The following PTCH2 variants were observed in gnomAD, a reference collection of about 807,000 sequenced individuals.
PTCH2 encodes patched 2.
A neutral mutation model predicts 117.9 loss-of-function variants in PTCH2; 96 were observed. That is an observed-to-expected ratio of 0.81 (90% CI 0.69 to 0.96). PTCH2 has a LOEUF of 0.96. PTCH2 is among the 50% of genes least tolerant of loss of function. The pLI is 0.00. For missense variants in PTCH2, 1,379 were observed against 1,562.5 expected, an observed-to-expected ratio of 0.88 and a Z score of 1.98; for synonymous variants, 615 against 660.9, an observed-to-expected ratio of 0.93 and a Z score of 1.06.
chr1:44,830,587 C>CA (rs768951349), intron 6 of PTCH2, among the ~76,000 whole-genome samples: 4,536 of 65,092 alleles, frequency 0.07, 240 homozygotes, highest in African/African-American at 0.12. Context: ...GAGTGAGACT[C>CA]AAAAAAAAAA....
rs564895522 is a variant in PTCH2, at chr1:44,832,211, A to G, written c.396T>C (p.Leu132=). Residue 132 remains leucine (L), a synonymous_variant, in exon 3 of 22, where the codon CTT becomes CTC. Transcript: ENST00000372192. ...TGAGGGCTGCCTGGAGGTGGAGGCC[A>G]AGTGCTTCGGGTGTGAGGATGTTCT... The part of the protein sequence containing the change: ...EGENILTPEA[L]GLHLQAALTA... 6.2e-7 allele frequency: 1 copy of G among 1,614,124 alleles called. No individual in the cohort carries two copies. The highest frequency in any genetic ancestry group is 1.3e-5 in the African/African-American group (1 of 75,020).
chr1:44,840,958 G>C (rs1483450460), intron 2 of PTCH2, among the ~76,000 whole-genome samples: 1 of 151,784 alleles, frequency 6.6e-6, no homozygotes, highest in Non-Finnish European at 1.5e-5. Flanking sequence ...CAGCTACTTG[G>C]GAGGCTGAGG....
At position 44,831,085 on chromosome 1, in the gene PTCH2, ACC is replaced by A. The variant is rs1406361396; in HGVS notation, c.618-44_618-43del. 1 of 1,579,394 alleles carries A rather than the reference ACC, an allele frequency of 6.3e-7. No individual in the cohort carries two copies. The highest frequency in any genetic ancestry group is 2.3e-5 in the East Asian group (1 of 43,964). ...TAGTTGGTGAGGGTCAGGGACGAAAACCCAGGCTCCAAACTGCTGCTGGGGCG... is the reference window on the plus strand; with the variant it reads ...TAGTTGGTGAGGGTCAGGGACGAAAACAGGCTCCAAACTGCTGCTGGGGCG... On this transcript the variant is annotated intron_variant, in intron 5 of 21. Transcript: ENST00000372192. The surrounding 1 kb of genome is among the most constrained non-coding windows in gnomAD (Gnocchi z 4.3).
At chr1:44,825,534 A>G (rs1175816822) in intron 19 of PTCH2, among the ~76,000 whole-genome samples, 1 of 150,338 alleles carries the variant, frequency 6.7e-6, no homozygotes, top group Non-Finnish European at 1.5e-5. Context: ...TTATTTTCCA[A>G]ATTCTTTTTT....
At position 44,822,098 on chromosome 1, in the gene PTCH2, G is replaced by GT; in HGVS notation, c.*316_*317insA. The GT allele has an allele frequency of 7.2e-6, 10 of 1,379,686 alleles. No homozygotes were observed. The highest frequency in any genetic ancestry group is 9.4e-6 in the Non-Finnish European group (10 of 1,065,534). 85.5% of individuals were successfully genotyped at this position (1,379,686 alleles called of 1,614,324 possible). ...CTGCCCAGGAGTCACCAGACGGAAG[G>GT]GTGCTGGAGGGTCCCTCAGGCTTGG... On this transcript the variant is annotated 3_prime_UTR_variant, in exon 22 of 22. Transcript: ENST00000372192.
Position 44,823,488 on chromosome 1 carries a change from C to T in PTCH2, c.3115-103G>A. ...CTTCAGAGCTCAACGATACCTTGGC[C>T]CACCAAAGGCTGGGTGAACTAAGTT... is the stretch of plus-strand genomic sequence containing the variant. On this transcript the variant is annotated intron_variant, in intron 19 of 21. Coordinates refer to ENST00000372192, the MANE Select transcript of PTCH2 (RefSeq NM_003738.5). This position sits in a 1 kb window ranked among gnomAD's most constrained non-coding sequence, Gnocchi z 5.1. 6.6e-7 allele frequency: 1 copy of T among 1,520,054 alleles called. No individual in the cohort carries two copies. 94.2% of individuals were successfully genotyped at this position (1,520,054 alleles called of 1,614,324 possible).
intron 19 of PTCH2, among the ~76,000 whole-genome samples, chr1:44,825,277 A>G (rs1362410761): frequency 6.6e-6 from 1 of 151,814 alleles, no homozygotes; most frequent in African/African-American, 2.4e-5. Context: ...AGCTGGGATT[A>G]CAGGCATGCA....
Position 44,823,166 on chromosome 1 carries a change from T to A in PTCH2, c.3260A>T (p.Tyr1087Phe), listed in dbSNP as rs2148871760. 1 of 1,614,008 alleles carries A rather than the reference T, an allele frequency of 6.2e-7. No homozygotes were observed. The highest frequency in any genetic ancestry group is 8.5e-7 in the Non-Finnish European group (1 of 1,179,964). The change falls in exon 21 of 22, where the codon TAC (tyrosine) becomes TTC (phenylalanine). Residue 1087 changes from tyrosine (Y) to phenylalanine (F), a missense_variant and splice_region_variant. Tyr to Phe is a conservative substitution (Grantham distance 22, BLOSUM62 3). Transcript: ENST00000372192. This position sits in a 1 kb window ranked among gnomAD's most constrained non-coding sequence, Gnocchi z 5.1. ...AGSHFDFIVR[Y>F]FFAALTVLTL... ...GAGCACTGTCAGCGCCGCAAAGAAG[T>A]ACCTAGGGGTAGGGTGTGGGGGGAG...
chr1:44,823,494 A>G lies in PTCH2; in HGVS notation c.3115-109T>C. 16 of 1,487,156 alleles carry G rather than the reference A, an allele frequency of 1.1e-5. No individual in the cohort carries two copies. Among genetic ancestry groups the G allele is most frequent in the Non-Finnish European group, 1.5e-5 (16 of 1,076,440 alleles). 92.1% of individuals were successfully genotyped at this position (1,487,156 alleles called of 1,614,324 possible). ...AGCTCAACGATACCTTGGCCCACCA[A>G]AGGCTGGGTGAACTAAGTTCATGGG... On this transcript the variant is annotated intron_variant, in intron 19 of 21. Transcript: ENST00000372192. The surrounding 1 kb of genome is among the most constrained non-coding windows in gnomAD (Gnocchi z 5.1).
At chr1:44,827,786 C>T (rs1461852670) in intron 14 of PTCH2, 57 bp downstream of exon 14, 1 of 1,612,488 alleles carries the variant, frequency 6.2e-7, no homozygotes, top group Non-Finnish European at 8.5e-7. Flanking sequence ...ACTAAGCCCT[C>T]TCTGCCCTTC....
In PTCH2 at chr1:44,829,498, C is replaced by T; in HGVS notation, c.1119G>A (p.Gln373=). ...AQEALPENAS[Q]QIHAFSSTTL... ...TGGTGGAGGAGAAGGCATGGATCTGCTGGGAAGCGTTCTCAGGCAGGGCCT... is the reference window on the plus strand; with the variant it reads ...TGGTGGAGGAGAAGGCATGGATCTGTTGGGAAGCGTTCTCAGGCAGGGCCT... Residue 373 remains glutamine (Q), a synonymous_variant, in exon 9 of 22, where the codon CAG becomes CAA. Coordinates refer to ENST00000372192, the MANE Select transcript of PTCH2 (RefSeq NM_003738.5). The T allele has an allele frequency of 6.2e-7, 1 of 1,614,216 alleles. No individual in the cohort carries two copies. The highest frequency in any genetic ancestry group is 8.5e-7 in the Non-Finnish European group (1 of 1,180,034).
rs756594378 is a variant in PTCH2, at chr1:44,827,586, G to A, written c.2187C>T (p.Ala729=). 1.2e-6 allele frequency: 2 copies of A among 1,614,084 alleles called. No homozygotes were observed. The highest frequency in any genetic ancestry group is 1.7e-6 in the Non-Finnish European group (2 of 1,180,036). The change falls in exon 15 of 22, where the codon GCC becomes GCT. Residue 729 remains alanine, a synonymous_variant. Transcript: ENST00000372192. ...RGTKEHAFLS[A]QLRYFSLYEV... is the part of the protein sequence containing the mutation. ...CGTACAGGGAGAAGTACCTGAGCTG[G>A]GCGCTCAGGAAGGCATGCTCCTTGG... is the stretch of plus-strand genomic sequence containing the variant.
At position 44,831,904 on chromosome 1, in the gene PTCH2, G is replaced by T; in HGVS notation, c.525+71C>A. ...AAGGGGGCAGATTGCAGGCTGTGGG[G>T]CTTGCTCGGTCTCTGAGTCCTCCCA... On this transcript the variant is annotated intron_variant, in intron 4 of 21. Transcript: ENST00000372192. This position sits in a 1 kb window ranked among gnomAD's most constrained non-coding sequence, Gnocchi z 4.3. The T allele has an allele frequency of 6.4e-7, 1 of 1,571,982 alleles. No individual in the cohort carries two copies. Among genetic ancestry groups the T allele is most frequent in the Non-Finnish European group, 8.8e-7 (1 of 1,141,754 alleles).
intron 2 of PTCH2, 112 bp downstream of exon 2, chr1:44,841,735 G>A (rs1653955319): frequency 8.5e-7 from 1 of 1,176,646 alleles, no homozygotes; most frequent in Admixed American, 1.8e-5. Context: ...GCCAGCAGGT[G>A]ACCCTCCAGC....
downstream of PTCH2, chr1:44,820,640 G>T: frequency 1.4e-6 from 1 of 712,518 alleles, no homozygotes; most frequent in Non-Finnish European, 2.6e-6. Context: ...TGTCCAGACA[G>T]TGGCGCTCCG....
Position 44,843,032 on chromosome 1 carries a change from A to C in PTCH2, c.-100T>G, listed in dbSNP as rs1654023892. 1 of 1,435,398 alleles carries C rather than the reference A, an allele frequency of 7.0e-7. No homozygotes were observed. Among genetic ancestry groups the C allele is most frequent in the Non-Finnish European group, 9.1e-7 (1 of 1,098,978 alleles). 88.9% of individuals were successfully genotyped at this position (1,435,398 alleles called of 1,614,324 possible). On this transcript the variant is annotated 5_prime_UTR_variant, in exon 1 of 22. Transcript: ENST00000372192. The stretch of plus-strand genomic sequence containing the variant: ...CGGTACCGCTGGGCCCCGCGTAGGG[A>C]TTCAGTGGGGCCGCCAAGGCGCGGG...
Position 44,831,759 on chromosome 1 carries a change from G to T in PTCH2, c.564C>A (p.Pro188=). ...EKLFPCVILT[P]LDCFWEGAKL... Reference sequence around the variant, plus strand: ...TGGCTCCCTCCCAGAAGCAGTCGAGGGGGGTGAGGATCACGCACGGAAACA... The same window carrying T: ...TGGCTCCCTCCCAGAAGCAGTCGAGTGGGGTGAGGATCACGCACGGAAACA... Residue 188 remains proline, a synonymous_variant, in exon 5 of 22, where the codon CCC becomes CCA. Coordinates refer to ENST00000372192, the MANE Select transcript of PTCH2 (RefSeq NM_003738.5). This position sits in a 1 kb window ranked among gnomAD's most constrained non-coding sequence, Gnocchi z 4.3. 5 of 1,587,638 alleles carry T rather than the reference G, an allele frequency of 3.1e-6. No individual in the cohort carries two copies. Among genetic ancestry groups the T allele is most frequent in the Admixed American group, 1.8e-5 (1 of 55,308 alleles).
chr1:44,836,440 T>C (rs557479266), intron 2 of PTCH2, among the ~76,000 whole-genome samples: 1 of 152,270 alleles, frequency 6.6e-6, no homozygotes, highest in Admixed American at 6.5e-5. Flanking sequence ...CCAGGCGCGA[T>C]GGCTCATACC....
Position 44,828,044 on chromosome 1 carries a change from G to C in PTCH2, c.1857C>G (p.Pro619=). The stretch of plus-strand genomic sequence containing the variant: ...AAGGTGGGGGCACCAGGTGGGCTTG[G>C]GGAGGCAGGATGGTGACCACATGCT... ...SSQHVVTILP[P]QAHLVPPPSD... is the part of the protein sequence containing the mutation. Residue 619 remains proline (P), a synonymous_variant, in exon 14 of 22, where the codon CCC becomes CCG. Coordinates refer to ENST00000372192, the MANE Select transcript of PTCH2 (RefSeq NM_003738.5). 6.2e-7 allele frequency: 1 copy of C among 1,614,166 alleles called. No homozygotes were observed. Among genetic ancestry groups the C allele is most frequent in the Non-Finnish European group, 8.5e-7 (1 of 1,180,012 alleles).
Sources: allele counts gnomAD v4.1 joint callset (sites outside exome capture counted in the v4.1 genomes callset), GRCh38; gene constraint gnomAD v4.1.1; non-coding constraint Gnocchi (gnomAD v3.1); transcripts MANE v1.5; gene names NCBI Gene and HGNC (gene_info 2026-07-23, HGNC 2026-07-21).